Variants in CD300LB observed in about 807,000 individuals in gnomAD.
The protein encoded by CD300LB is CD300 molecule like family member b.
A neutral mutation model predicts 20.8 loss-of-function variants in CD300LB; 18 were observed. The observed-to-expected ratio is 0.87, with a 90% confidence interval of 0.60 to 1.28. CD300LB has a LOEUF of 1.28. Ranked by LOEUF, CD300LB falls within the 50% of genes most tolerant of loss-of-function variation. The pLI is 0.00. For missense variants in CD300LB, 222 were observed against 251.8 expected, an observed-to-expected ratio of 0.88 and a Z score of 0.80; for synonymous variants, 91 against 91.3, an observed-to-expected ratio of 1.00 and a Z score of 0.02.
At chr17:74,525,492 A>G (rs1165008802) in intron 2 of CD300LB, among the ~76,000 whole-genome samples, 1 of 151,716 alleles carries the variant, frequency 6.6e-6, no homozygotes. Flanking sequence ...TCCCACCCCC[A>G]TCCCAAGCCC....
rs201815587 is a variant in CD300LB, at chr17:74,525,996, C to A, written c.122G>T (p.Gly41Val). 1 of 1,614,174 alleles carries A rather than the reference C, an allele frequency of 6.2e-7. No homozygotes were observed. The highest frequency in any genetic ancestry group is 2.2e-5 in the East Asian group (1 of 44,886). The change falls in exon 2 of 4, where the codon GGA (glycine) becomes GTA (valine). Residue 41 changes from glycine (G) to valine (V), a missense_variant. Coordinates refer to ENST00000392621, the MANE Select transcript of CD300LB (RefSeq NM_174892.4). ...SLTVQCHYKQ[G>V]WETYIKWWCR... Reference sequence around the variant, plus strand: ...CCACCACTTAATGTAGGTCTCCCATCCTTGCTTATAGTGGCATTGAACCGT... The same window carrying A: ...CCACCACTTAATGTAGGTCTCCCATACTTGCTTATAGTGGCATTGAACCGT...
At chr17:74,531,287 G>A (rs201886716) in intron 1 of CD300LB, 24 bp downstream of exon 1, 19 of 1,526,864 alleles carry the variant, frequency 1.2e-5, no homozygotes, top group Admixed American at 2.2e-5. Flanking sequence ...CATACCAAGC[G>A]CCCAAGGCCC....
rs191945656 is a variant in CD300LB at position 74,521,826 on chromosome 17, G to A, written c.*912C>T. On this transcript the variant is annotated 3_prime_UTR_variant, in exon 4 of 4. Coordinates refer to ENST00000392621, the MANE Select transcript of CD300LB (RefSeq NM_174892.4). ...GACCACATTCAAGGGCCTCATCGCC[G>A]TGGGTGAAGCCTGTGAGGAGACAGA... is the stretch of plus-strand genomic sequence containing the variant. 99 of 985,526 alleles carry A rather than the reference G, an allele frequency of 1.0e-4. 1 individual carries two copies. The highest frequency in any genetic ancestry group is 9.4e-4 in the African/African-American group (54 of 57,360). The allele number at this position is 985,526 out of a possible 1,614,324, so 61.0% of individuals were successfully genotyped here. A position where few individuals can be genotyped will look rare whatever the true frequency, so the allele number is the denominator to read the frequency against.
intron 2 of CD300LB, 36 bp from the exon 3 acceptor site, chr17:74,523,687 A>T: frequency 6.8e-7 from 1 of 1,468,242 alleles, no homozygotes; most frequent in South Asian, 1.1e-5. Flanking sequence ...GGTTATTAGC[A>T]CAGTTGGGAG....
At chr17:74,523,726 C>A in intron 2 of CD300LB, 75 bp from the exon 3 acceptor site, 1 of 920,946 alleles carries the variant, frequency 1.1e-6, no homozygotes, top group Non-Finnish European at 1.8e-6. Context: ...AGCCACGCGA[C>A]CCTGCCAGCC....
chr17:74,522,455 CAGTGGGGACAG>C lies in CD300LB; in HGVS notation c.*272_*282del. 1 of 1,143,790 alleles carries C rather than the reference CAGTGGGGACAG, an allele frequency of 8.7e-7. No individual in the cohort carries two copies. The highest frequency in any genetic ancestry group is 1.1e-6 in the Non-Finnish European group (1 of 926,860). The allele number at this position is 1,143,790 out of a possible 1,614,324, so 70.9% of individuals were successfully genotyped here. Reference sequence around the variant, plus strand: ...ATGCTCTGTGCCCGAGTTATTCCAGCAGTGGGGACAGAGTCGTCCAGTGCTTGAGCTCCATC... The same window carrying C: ...ATGCTCTGTGCCCGAGTTATTCCAGCAGTCGTCCAGTGCTTGAGCTCCATC... On this transcript the variant is annotated 3_prime_UTR_variant, in exon 4 of 4. Coordinates refer to ENST00000392621, the MANE Select transcript of CD300LB (RefSeq NM_174892.4).
intron 1 of CD300LB, among the ~76,000 whole-genome samples, chr17:74,527,375 G>A (rs966275119): frequency 6.6e-6 from 1 of 152,270 alleles, no homozygotes; most frequent in African/African-American, 2.4e-5. Flanking sequence ...AGAGCTTCAG[G>A]CCCAGGCCAG....
rs1462285220 is a variant in CD300LB at position 74,521,786 on chromosome 17, C to T, written c.*952G>A. On this transcript the variant is annotated 3_prime_UTR_variant, in exon 4 of 4. Coordinates refer to ENST00000392621, the MANE Select transcript of CD300LB (RefSeq NM_174892.4). Reference sequence around the variant, plus strand: ...CCCTTTGGTGTGAGGGTCCCTCAACCATACAGCACAAAGTGACCACATTCA... The same window carrying T: ...CCCTTTGGTGTGAGGGTCCCTCAACTATACAGCACAAAGTGACCACATTCA... 1.0e-6 allele frequency: 1 copy of T among 985,554 alleles called. No individual in the cohort carries two copies. The highest frequency in any genetic ancestry group is 1.2e-6 in the Non-Finnish European group (1 of 830,012). The allele number at this position is 985,554 out of a possible 1,614,324, so 61.1% of individuals were successfully genotyped here. A position where few individuals can be genotyped will look rare whatever the true frequency, so the allele number is the denominator to read the frequency against.
At chr17:74,529,637 A>C (rs998564153) in intron 1 of CD300LB, among the ~76,000 whole-genome samples, 11 of 152,154 alleles carry the variant, frequency 7.2e-5, no homozygotes, top group Non-Finnish European at 4.4e-5. Context: ...CTAAAATTAC[A>C]AAAATTAGCC....
Position 74,523,298 on chromosome 17 carries a change from C to A in CD300LB, c.443+281G>T, listed in dbSNP as rs1474419090. 1.3e-5 allele frequency: 7 copies of A among 539,216 alleles called. No homozygotes were observed. In the East Asian group the frequency reaches 1.8e-4, roughly 14 times the overall value. 33.4% of individuals were successfully genotyped at this position (539,216 alleles called of 1,614,324 possible). A position where few individuals can be genotyped will look rare whatever the true frequency, so the allele number is the denominator to read the frequency against. On this transcript the variant is annotated intron_variant, in intron 3 of 3. Coordinates refer to ENST00000392621, the MANE Select transcript of CD300LB (RefSeq NM_174892.4). ...CACCACAGAGGGTGGTATCTTATCT[C>A]CCCCTGGCACCCATTAGGCCACCAA...
At position 74,526,000 on chromosome 17, in the gene CD300LB, G is replaced by A; in HGVS notation, c.118C>T (p.Gln40Ter). Residue 40 changes from glutamine to a stop codon, truncating the protein, a stop_gained, in exon 2 of 4, where the codon CAA becomes TAA. Transcript: ENST00000392621. LOFTEE classifies it high-confidence loss of function. ...GSLTVQCHYKQGWETYIKWWC... is the reference protein window; with the variant it reads ...GSLTVQCHYK The stretch of plus-strand genomic sequence containing the variant: ...CACTTAATGTAGGTCTCCCATCCTT[G>A]CTTATAGTGGCATTGAACCGTCAGG... 1 of 1,614,116 alleles carries A rather than the reference G, an allele frequency of 6.2e-7. No individual in the cohort carries two copies.
In CD300LB at chr17:74,522,730, C is replaced by A; in HGVS notation, c.*8G>T. 6.2e-7 allele frequency: 1 copy of A among 1,614,002 alleles called. No individual in the cohort carries two copies. The highest frequency in any genetic ancestry group is 1.1e-5 in the South Asian group (1 of 91,076). On this transcript the variant is annotated 3_prime_UTR_variant, in exon 4 of 4. Transcript: ENST00000392621. ...GCCAGGGCAGGAAGGCTCTGCAGAT[C>A]CATCTCTCTAAGTGGCCATGTCTTT...
chr17:74,530,725 C>T (rs1310643285), intron 1 of CD300LB, among the ~76,000 whole-genome samples: 2 of 152,180 alleles, frequency 1.3e-5, no homozygotes, highest in African/African-American at 4.8e-5. Flanking sequence ...TCCGCACACG[C>T]CTCCACCAAT....
intron 1 of CD300LB, among the ~76,000 whole-genome samples, chr17:74,530,608 G>A (rs1908179118): frequency 6.7e-6 from 1 of 149,394 alleles, no homozygotes; most frequent in Admixed American, 6.6e-5. Flanking sequence ...TCTCTAGAGT[G>A]TTCTCCTCTC....
At chr17:74,528,219 G>A (rs1260265460) in intron 1 of CD300LB, among the ~76,000 whole-genome samples, 5 of 151,934 alleles carry the variant, frequency 3.3e-5, no homozygotes, top group Non-Finnish European at 5.9e-5. Context: ...AGTGTAATGC[G>A]TTTGAATCAT....
intron 1 of CD300LB, among the ~76,000 whole-genome samples, chr17:74,530,036 T>C (rs141564278): frequency 6.6e-6 from 1 of 152,084 alleles, no homozygotes; most frequent in Non-Finnish European, 1.5e-5. Flanking sequence ...TTGTCAAGAG[T>C]TGGTATGAGG....
At chr17:74,528,666 C>T (rs1253665091) in intron 1 of CD300LB, among the ~76,000 whole-genome samples, 1 of 151,748 alleles carries the variant, frequency 6.6e-6, no homozygotes, top group South Asian at 2.1e-4. Context: ...TCTCTGCCAT[C>T]GCAGGCCACA....
Position 74,523,667 on chromosome 17 carries a change from G to A in CD300LB, c.371-16C>T, listed in dbSNP as rs1434905765. 3 of 1,587,908 alleles carry A rather than the reference G, an allele frequency of 1.9e-6. No individual in the cohort carries two copies. The highest frequency in any genetic ancestry group is 2.2e-5 in the East Asian group (1 of 44,810). The stretch of plus-strand genomic sequence containing the variant: ...GCCGCTCCCTCTAGACACAGGCAAA[G>A]TCAGCCATGGGTTATTAGCACAGTT... On this transcript the variant is annotated splice_polypyrimidine_tract_variant and intron_variant, in intron 2 of 3. Transcript: ENST00000392621.
rs763963716 is a variant in CD300LB, at chr17:74,525,902, C to A, written c.216G>T (p.Lys72Asn). ...IETRGSEQGE[K>N]SDRVSIKDNQ... ...TGTCCTTGATGGACACACGGTCACTCTTCTCTCCTTGCTCCGACCCTCTGG... is the reference window on the plus strand; with the variant it reads ...TGTCCTTGATGGACACACGGTCACTATTCTCTCCTTGCTCCGACCCTCTGG... The change falls in exon 2 of 4, where the codon AAG becomes AAT. Residue 72 changes from lysine to asparagine, a missense_variant. Transcript: ENST00000392621. 3.7e-6 allele frequency: 6 copies of A among 1,614,146 alleles called. No homozygotes were observed. In the South Asian group the frequency reaches 5.5e-5, roughly 15 times the overall value.
Sources: allele counts gnomAD v4.1 joint callset (sites outside exome capture counted in the v4.1 genomes callset), GRCh38; gene constraint gnomAD v4.1.1; transcripts MANE v1.5; gene names NCBI Gene and HGNC (gene_info 2026-07-23, HGNC 2026-07-21).